The following HSPA8 variants were observed in gnomAD, a reference collection of about 807,000 sequenced individuals.
HSPA8 encodes heat shock protein family A (Hsp70) member 8.
A neutral mutation model predicts 52.8 loss-of-function variants in HSPA8; 2 were observed. That is an observed-to-expected ratio of 0.04 (90% CI 0.02 to 0.12). The LOEUF is 0.12. HSPA8 is among the 10% of genes least tolerant of loss of function. The pLI is 1.00. For synonymous variants in HSPA8, 436 were observed against 274.0 expected (o/e 1.59, Z -5.84); for missense variants, 349 against 800.5 (o/e 0.44, Z 6.81).
chr11:123,061,001 A>C, intron 2 of HSPA8, 119 bp downstream of exon 2: 2 of 949,084 alleles, frequency 2.1e-6, no homozygotes, highest in East Asian at 5.2e-5. Context: ...AACAGACTTG[A>C]TAACAAGTCT....
chr11:123,060,294 T>TGG (rs1409704229), intron 3 of HSPA8, 26 bp from the exon 4 acceptor site: 1 of 1,607,108 alleles, frequency 6.2e-7, no homozygotes, highest in Non-Finnish European at 8.5e-7. Flanking sequence ...AGACCACAGA[T>TGG]TGGTAACTAT....
At chr11:123,058,972 T>C in intron 6 of HSPA8, 87 bp downstream of exon 6, 1 of 1,430,272 alleles carries the variant, frequency 7.0e-7, no homozygotes, top group Non-Finnish European at 9.8e-7. Flanking sequence ...CTACGAATGG[T>C]TTTGGAATCC....
rs565437927 is a variant in HSPA8 at position 123,059,456 on chromosome 11, T to C, written c.1120+17A>G. On this transcript the variant is annotated intron_variant, in intron 5 of 8. Transcript: ENST00000534624. ...GGGCCTGCCTGCCTTTAGGGTTAAT[T>C]GAGATACCATTGTTACCTGCACCAT... is the stretch of plus-strand genomic sequence containing the variant. 17 of 1,597,354 alleles carry C rather than the reference T, an allele frequency of 1.1e-5. No individual in the cohort carries two copies. In the South Asian group the frequency reaches 1.4e-4, roughly 14 times the overall value.
At chr11:123,062,378 C>G (rs1164595499), upstream of HSPA8, 1 of 152,446 alleles carries the variant, frequency 6.6e-6, no homozygotes, top group Non-Finnish European at 1.5e-5. Context: ...AGCTCGCCCC[C>G]GCTCTCCGGA....
At chr11:123,058,024 G>A (rs1865360469) in intron 8 of HSPA8, 105 bp from the exon 9 acceptor site, 1 of 891,670 alleles carries the variant, frequency 1.1e-6, no homozygotes, top group Non-Finnish European at 1.7e-6. Context: ...ACTCTTACAA[G>A]AGGGCCACTA....
rs765561454 is a variant in HSPA8 at position 123,058,317 on chromosome 11, C to T, written c.1690G>A (p.Asp564Asn). Reference protein sequence around the residue: ...EDEKLQGKINDEDKQKILDKC... With the variant: ...EDEKLQGKINNEDKQKILDKC... ...TCCAGAATCTTCTGTTTGTCCTCAT[C>T]GTTAATCTTGCCTTGAAGTTTCTCA... Residue 564 changes from aspartate to asparagine, a missense_variant, in exon 8 of 9, where the codon GAT (aspartate) becomes AAT (asparagine). Asp to Asn is a conservative substitution (Grantham distance 23). Transcript: ENST00000534624. 35 of 1,612,922 alleles carry T rather than the reference C, an allele frequency of 2.2e-5. No homozygotes were observed. Among genetic ancestry groups the T allele is most frequent in the Non-Finnish European group, 2.8e-5 (33 of 1,179,644 alleles).
At chr11:123,061,913 C>T (rs1865519710) in intron 1 of HSPA8, 151 bp downstream of exon 1, 1 of 157,592 alleles carries the variant, frequency 6.3e-6, no homozygotes, top group Non-Finnish European at 1.4e-5. Context: ...GCCATCCCAC[C>T]GAAAACTGAG....
chr11:123,058,350 C>T lies in HSPA8; in HGVS notation c.1657G>A (p.Val553Ile), dbSNP rs770645829. 1.9e-6 allele frequency: 3 copies of T among 1,613,536 alleles called. No homozygotes were observed. Among genetic ancestry groups the T allele is most frequent in the African/African-American group, 1.3e-5 (1 of 74,972 alleles). ...ESYAFNMKAT[V>I]EDEKLQGKIN... is the part of the protein sequence containing the mutation. ...TTGCCTTGAAGTTTCTCATCTTCAACAGTTGCTTTCATGTTGAAGGCATAG... is the reference window on the plus strand; with the variant it reads ...TTGCCTTGAAGTTTCTCATCTTCAATAGTTGCTTTCATGTTGAAGGCATAG... Residue 553 changes from valine (V) to isoleucine (I), a missense_variant, in exon 8 of 9, where the codon GTT becomes ATT. Coordinates refer to ENST00000534624, the MANE Select transcript of HSPA8 (RefSeq NM_006597.6).
In HSPA8 at chr11:123,057,851, G is replaced by A. The variant is rs188408273; in HGVS notation, c.1824C>T (p.Thr608=). Residue 608 remains threonine, a synonymous_variant, in exon 9 of 9, where the codon ACC becomes ACT. Transcript: ENST00000534624. ...ELEKVCNPII[T]KLYQSAGGMP... ...TGCCTCCTGCACTCTGGTACAGCTT[G>A]GTGATGATGGGGTTGCAAACTTTCT... is the stretch of plus-strand genomic sequence containing the variant. The A allele has an allele frequency of 1.2e-6, 2 of 1,613,432 alleles. No homozygotes were observed. Among genetic ancestry groups the A allele is most frequent in the Middle Eastern group, 1.7e-4 (1 of 6,058 alleles).
At position 123,057,608 on chromosome 11, in the gene HSPA8, T is replaced by C. The variant is rs905332176; in HGVS notation, c.*126A>G. ...TGTGCATATGTTCCATATTCAAGTA[T>C]TGAGAATGCCCAGTAACTTACTATA... On this transcript the variant is annotated 3_prime_UTR_variant, in exon 9 of 9. Coordinates refer to ENST00000534624, the MANE Select transcript of HSPA8 (RefSeq NM_006597.6). 1.1e-5 allele frequency: 7 copies of C among 649,914 alleles called. No individual in the cohort carries two copies. Among genetic ancestry groups the C allele is most frequent in the African/African-American group, 7.4e-5 (4 of 54,154 alleles). The allele number at this position is 649,914 out of a possible 1,614,324, so 40.3% of individuals were successfully genotyped here. A position where few individuals can be genotyped will look rare whatever the true frequency, so the allele number is the denominator to read the frequency against.
At position 123,059,040 on chromosome 11, in the gene HSPA8, G is replaced by C. The variant is rs201744629; in HGVS notation, c.1323+19C>G. 3 of 1,602,608 alleles carry C rather than the reference G, an allele frequency of 1.9e-6. No homozygotes were observed. On this transcript the variant is annotated intron_variant, in intron 6 of 8. Coordinates refer to ENST00000534624, the MANE Select transcript of HSPA8 (RefSeq NM_006597.6). ...TATCTGTTATCAGTAAGCCAAACAA[G>C]AGAAGTACAGAAACATACCTGAATA... is the stretch of plus-strand genomic sequence containing the variant.
At position 123,058,839 on chromosome 11, in the gene HSPA8, G is replaced by C. The variant is rs779303299; in HGVS notation, c.1324-9C>G. 6 of 1,613,002 alleles carry C rather than the reference G, an allele frequency of 3.7e-6. No individual in the cohort carries two copies. Among genetic ancestry groups the C allele is most frequent in the Middle Eastern group, 1.7e-4 (1 of 6,060 alleles). ...CGCTCGCCTTCATAAACCTTGGTAGGAAATAAAACAAATTACTACAATGGA... is the reference window on the plus strand; with the variant it reads ...CGCTCGCCTTCATAAACCTTGGTAGCAAATAAAACAAATTACTACAATGGA... On this transcript the variant is annotated splice_polypyrimidine_tract_variant and intron_variant, in intron 6 of 8. Transcript: ENST00000534624.
In HSPA8 at chr11:123,058,243, A is replaced by AAC. The variant is rs779861584; in HGVS notation, c.1755+7_1755+8dup. 11 of 1,510,516 alleles carry AAC rather than the reference A, an allele frequency of 7.3e-6. No individual in the cohort carries two copies. Among genetic ancestry groups the AAC allele is most frequent in the African/African-American group, 4.2e-5 (3 of 70,668 alleles). The allele number at this position is 1,510,516 out of a possible 1,614,324, so 93.6% of individuals were successfully genotyped here. Reference sequence around the variant, plus strand: ...TGGGGGAGGAAAAAAAAAAAAAAAAAACACAAACCTGATTCTTATCAAGCC... The same window carrying AAC: ...TGGGGGAGGAAAAAAAAAAAAAAAAAACACACAAACCTGATTCTTATCAAGCC... On this transcript the variant is annotated intron_variant, in intron 8 of 8. Coordinates refer to ENST00000534624, the MANE Select transcript of HSPA8 (RefSeq NM_006597.6).
In HSPA8 at chr11:123,057,779, G is replaced by A. The variant is rs763753426; in HGVS notation, c.1896C>T (p.Pro632=). The A allele has an allele frequency of 5.6e-6, 9 of 1,613,678 alleles. No individual in the cohort carries two copies. The highest frequency in any genetic ancestry group is 2.2e-5 in the East Asian group (1 of 44,872). Residue 632 remains proline, a synonymous_variant, in exon 9 of 9, where the codon CCC becomes CCT. Coordinates refer to ENST00000534624, the MANE Select transcript of HSPA8 (RefSeq NM_006597.6). The part of the protein sequence containing the change: ...PGGFPGGGAP[P]SGGASSGPTI... Reference sequence around the variant, plus strand: ...TGGGCCCTGAGGAAGCACCACCAGAGGGAGGAGCTCCACCACCAGGAAATC... The same window carrying A: ...TGGGCCCTGAGGAAGCACCACCAGAAGGAGGAGCTCCACCACCAGGAAATC...
chr11:123,058,043 A>G (rs1249261259), intron 8 of HSPA8, 124 bp from the exon 9 acceptor site: 1 of 784,548 alleles, frequency 1.3e-6, no homozygotes, highest in East Asian at 2.5e-5. Context: ...TACCAACATT[A>G]AAATAGGGCC....
chr11:123,060,782 A>C lies in HSPA8; in HGVS notation c.222T>G (p.Ile74Met). 6.2e-7 allele frequency: 1 copy of C among 1,613,626 alleles called. No individual in the cohort carries two copies. Among genetic ancestry groups the C allele is most frequent in the Non-Finnish European group, 8.5e-7 (1 of 1,179,970 alleles). Reference sequence around the variant, plus strand: ...CAACAGCATCATCAAATCTGCGTCCAATCAGACGTTTGGCATCTGTAAAAG... The same window carrying C: ...CAACAGCATCATCAAATCTGCGTCCCATCAGACGTTTGGCATCTGTAAAAG... ...TNTVFDAKRLIGRRFDDAVVQ... is the reference protein window; with the variant it reads ...TNTVFDAKRLMGRRFDDAVVQ... Residue 74 changes from isoleucine (I) to methionine (M), a missense_variant, in exon 3 of 9, where the codon ATT becomes ATG. Coordinates refer to ENST00000534624, the MANE Select transcript of HSPA8 (RefSeq NM_006597.6).
chr11:123,062,108 A>T lies in HSPA8; in HGVS notation c.-50T>A, dbSNP rs1419827076. On this transcript the variant is annotated 5_prime_UTR_variant, in exon 1 of 9. Coordinates refer to ENST00000534624, the MANE Select transcript of HSPA8 (RefSeq NM_006597.6). ...CCAATAACGAAGGAAGCCACAAAAAACCCAAGAGCTGCAGGCGAGTTCAAT... is the reference window on the plus strand; with the variant it reads ...CCAATAACGAAGGAAGCCACAAAAATCCCAAGAGCTGCAGGCGAGTTCAAT... 6.6e-6 allele frequency: 1 copy of T among 152,352 alleles called. No individual in the cohort carries two copies. The highest frequency in any genetic ancestry group is 1.5e-5 in the Non-Finnish European group (1 of 68,452). 9.4% of individuals were successfully genotyped at this position (152,352 alleles called of 1,614,324 possible).
At chr11:123,062,156 C>T (rs1213622909), upstream of HSPA8, 2 of 152,608 alleles carry the variant, frequency 1.3e-5, no homozygotes, top group African/African-American at 4.8e-5. Context: ...CGCCCGCCAC[C>T]CTGCCTCTTA....
At chr11:123,060,850 A>G in intron 2 of HSPA8, 52 bp from the exon 3 acceptor site, 2 of 1,508,622 alleles carry the variant, frequency 1.3e-6, no homozygotes, top group Non-Finnish European at 1.8e-6. Context: ...TCTTCTGATA[A>G]AACTCAAGTC....
Sources: gnomAD v4.1 joint callset for allele counts on GRCh38, gnomAD v4.1.1 for gene constraint, MANE v1.5 for transcripts, NCBI Gene and HGNC (gene_info 2026-07-23, HGNC 2026-07-21) for gene names.